MACROH2A2: variants seen among roughly 807,000 people sequenced by gnomAD.
The protein encoded by MACROH2A2 is core histone macro-H2A.2.
In MACROH2A2, 6 loss-of-function variants were observed where a neutral mutation model predicts 37.6. The observed-to-expected ratio is 0.16, with a 90% CI of 0.09 to 0.32. MACROH2A2 has a LOEUF of 0.32. Ranked by LOEUF, MACROH2A2 falls within the 10% of genes least tolerant of loss-of-function variation. The probability of loss-of-function intolerance (pLI) is 1.00; values close to 1 mark genes in which losing one functional copy is unlikely to be tolerated. For missense variants in MACROH2A2, 290 were observed against 485.9 expected, an observed-to-expected ratio of 0.60 and a Z score of 3.79; for synonymous variants, 192 against 202.7, an observed-to-expected ratio of 0.95 and a Z score of 0.45.
intron 2 of MACROH2A2, among the ~76,000 whole-genome samples, chr10:70,085,680 T>C (rs1462543494): frequency 6.6e-6 from 1 of 152,236 alleles, no homozygotes; most frequent in African/African-American, 2.4e-5. Context: ...TACTGCTAGA[T>C]ACTCAGCTGT....
In MACROH2A2 at chr10:70,075,142, C is replaced by G. The variant is rs1358732877; in HGVS notation, c.-59-458C>G. Among the ~76,000 whole-genome samples the G allele has an allele frequency of 1.3e-5, 2 of 152,168 alleles. No individual in the cohort carries two copies. The highest frequency in any genetic ancestry group is 4.8e-5 in the African/African-American group (2 of 41,446). On this transcript the variant is annotated intron_variant, in intron 1 of 8. Transcript: ENST00000373255. This position sits in a 1 kb window ranked among gnomAD's most constrained non-coding sequence, Gnocchi z 5.0. ...ACATCTCTTACTGCCCACTCTGACC[C>G]CCTGCCTCCGTCTTCTAAGGCAATT...
intron 2 of MACROH2A2, among the ~76,000 whole-genome samples, chr10:70,085,901 G>C (rs987589998): frequency 1.9e-4 from 29 of 152,192 alleles, no homozygotes; most frequent in African/African-American, 7.0e-4. Context: ...AGTCACTCAA[G>C]AATGTAACAA....
At chr10:70,065,644 T>C (rs1247703544) in intron 1 of MACROH2A2, among the ~76,000 whole-genome samples, 1 of 151,862 alleles carries the variant, frequency 6.6e-6, no homozygotes, top group Non-Finnish European at 1.5e-5. Flanking sequence ...AAAATATGAT[T>C]ACCAAAATTA....
At chr10:70,095,955 G>A (rs554930921) in intron 6 of MACROH2A2, among the ~76,000 whole-genome samples, 30 of 152,098 alleles carry the variant, frequency 2.0e-4, no homozygotes, top group Non-Finnish European at 3.8e-4. Context: ...TTTTTATTGG[G>A]GTATTGTGTA....
In MACROH2A2 at chr10:70,109,154, G is replaced by A. The variant is rs371333160; in HGVS notation, c.900G>A (p.Ala300=). 132 of 1,614,172 alleles carry A rather than the reference G, an allele frequency of 8.2e-5. No individual in the cohort carries two copies. Among genetic ancestry groups the A allele is most frequent in the Middle Eastern group, 3.3e-4 (2 of 6,060 alleles). ...AGACCATCAAAAACTGCCTGTCAGC[G>A]GCGGAGGACAAGAAGCTAAAGTCCG... is the stretch of plus-strand genomic sequence containing the variant. The part of the protein sequence containing the change: ...LEETIKNCLS[A]AEDKKLKSVA... The change falls in exon 8 of 9, where the codon GCG becomes GCA. Residue 300 remains alanine, a synonymous_variant. Transcript: ENST00000373255.
intron 1 of MACROH2A2, among the ~76,000 whole-genome samples, chr10:70,064,907 A>C (rs10999112): frequency 0.04 from 6,027 of 152,260 alleles, 156 homozygotes; most frequent in Non-Finnish European, 0.056. Context: ...AATTGAATGC[A>C]TGCCCTGCAC....
intron 2 of MACROH2A2, among the ~76,000 whole-genome samples, chr10:70,080,258 A>G (rs2072167539): frequency 6.6e-6 from 1 of 151,560 alleles, no homozygotes; most frequent in African/African-American, 2.4e-5. Flanking sequence ...CAGCCTGGGC[A>G]TCAAGAGCAA....
At chr10:70,059,617 C>T (rs982903925) in intron 1 of MACROH2A2, among the ~76,000 whole-genome samples, 24 of 152,200 alleles carry the variant, frequency 1.6e-4, no homozygotes, top group Middle Eastern at 3.4e-3. Context: ...GTGATCCTCC[C>T]GCCTCGGCCT....
In MACROH2A2 at chr10:70,111,779, G is replaced by A; in HGVS notation, c.*96G>A. 1.8e-6 allele frequency: 2 copies of A among 1,119,434 alleles called. No homozygotes were observed. Among genetic ancestry groups the A allele is most frequent in the Non-Finnish European group, 2.4e-6 (2 of 826,016 alleles). The allele number at this position is 1,119,434 out of a possible 1,614,324, so 69.3% of individuals were successfully genotyped here. ...AGAGAGGAGGGGTGATGGCAGGGGA[G>A]TGGAGGGTGGCCGGGCAGGTCCTGC... On this transcript the variant is annotated 3_prime_UTR_variant, in exon 9 of 9. Transcript: ENST00000373255.
chr10:70,066,182 A>G (rs1026927034), intron 1 of MACROH2A2, among the ~76,000 whole-genome samples: 7 of 152,084 alleles, frequency 4.6e-5, no homozygotes, highest in African/African-American at 1.7e-4. Context: ...CTACAAAAAA[A>G]TCAGCTGGGT....
chr10:70,105,564 T>A (rs542423283), intron 7 of MACROH2A2, among the ~76,000 whole-genome samples: 2 of 152,178 alleles, frequency 1.3e-5, no homozygotes, highest in Admixed American at 1.3e-4. Flanking sequence ...GGGCCGACCA[T>A]GAAGGGAGCC....
intron 3 of MACROH2A2, among the ~76,000 whole-genome samples, chr10:70,091,036 T>C (rs944236699): frequency 2.0e-5 from 3 of 152,238 alleles, no homozygotes; most frequent in African/African-American, 7.2e-5. Flanking sequence ...CATACTTTAC[T>C]GATGGAATGT....
At chr10:70,090,037 T>G (rs762992557) in intron 2 of MACROH2A2, 23 bp from the exon 3 acceptor site, 1 of 1,510,774 alleles carries the variant, frequency 6.6e-7, no homozygotes, top group Non-Finnish European at 9.2e-7. Context: ...TGATTGCCTG[T>G]TAATGCCTCC....
At chr10:70,067,468 G>A (rs2072085924) in intron 1 of MACROH2A2, among the ~76,000 whole-genome samples, 1 of 152,162 alleles carries the variant, frequency 6.6e-6, no homozygotes, top group South Asian at 2.1e-4. Context: ...TGTGATGCTA[G>A]CATCACACTT....
At chr10:70,072,717 G>A (rs966968246) in intron 1 of MACROH2A2, among the ~76,000 whole-genome samples, 12 of 152,140 alleles carry the variant, frequency 7.9e-5, no homozygotes, top group African/African-American at 2.9e-4. Context: ...ACCACTTTGG[G>A]AGGCTGAGGA....
chr10:70,055,323 G>T (rs2072008341), intron 1 of MACROH2A2, among the ~76,000 whole-genome samples: 1 of 152,218 alleles, frequency 6.6e-6, no homozygotes, highest in African/African-American at 2.4e-5. Flanking sequence ...TTGGTAAATG[G>T]AAAGTATATT....
At chr10:70,082,432 AAAAAAGAAAAG>A (rs961211730) in intron 2 of MACROH2A2, among the ~76,000 whole-genome samples, 12 of 151,178 alleles carry the variant, frequency 7.9e-5, no homozygotes, top group African/African-American at 2.9e-4. Context: ...AAAAAAAAAG[AAAAAAGAAAAG>A]AAAGAAAGAA....
At chr10:70,084,937 C>G (rs2072202048) in intron 2 of MACROH2A2, among the ~76,000 whole-genome samples, 1 of 152,142 alleles carries the variant, frequency 6.6e-6, no homozygotes, top group South Asian at 2.1e-4. Context: ...ATTGGGTCAC[C>G]AGTGGCCTTG....
chr10:70,087,034 A>T (rs934410149), intron 2 of MACROH2A2, among the ~76,000 whole-genome samples: 6 of 152,096 alleles, frequency 3.9e-5, no homozygotes, highest in African/African-American at 1.2e-4. Flanking sequence ...CTACAAAAAA[A>T]TTAAAAATTA....
Sources: gnomAD v4.1 joint callset for allele counts (sites outside exome capture counted in the v4.1 genomes callset) on GRCh38, gnomAD v4.1.1 for gene constraint, Gnocchi (gnomAD v3.1) non-coding constraint, MANE v1.5 for transcripts, NCBI Gene and HGNC (gene_info 2026-07-23, HGNC 2026-07-21) for gene names.